ACAP2: variants seen among roughly 807,000 people sequenced by gnomAD.
ACAP2 encodes arf-GAP with coiled-coil, ANK repeat and PH domain-containing protein 2.
Under a neutral mutation model 115.8 loss-of-function variants are expected in ACAP2, and 39 were observed. That is an observed-to-expected ratio of 0.34 (90% CI 0.26 to 0.44). The LOEUF (loss-of-function observed/expected upper bound fraction) is 0.44. ACAP2 is among the 20% of genes least tolerant of loss of function. The pLI is 1.00. For missense variants in ACAP2, 662 were observed against 927.6 expected, an observed-to-expected ratio of 0.71 and a Z score of 3.72; for synonymous variants, 289 against 315.8, an observed-to-expected ratio of 0.92 and a Z score of 0.90.
At chr3:195,357,325 C>G (rs1395215461) in intron 4 of ACAP2, among the ~76,000 whole-genome samples, 2 of 152,104 alleles carry the variant, frequency 1.3e-5, no homozygotes, top group African/African-American at 2.4e-5. Flanking sequence ...AGGGAAATTT[C>G]TAAGGTTTCC....
At chr3:195,372,987 C>CAAAAAAAA (rs869134113) in intron 4 of ACAP2, among the ~76,000 whole-genome samples, 11 of 17,772 alleles carry the variant, frequency 6.2e-4, no homozygotes, top group Admixed American at 1.0e-3. Context: ...GACTCCATCT[C>CAAAAAAAA]AAAAAAAAAA....
chr3:195,325,517 C>T (rs1729736879), intron 9 of ACAP2: 1 of 398,320 alleles, frequency 2.5e-6, no homozygotes. Flanking sequence ...AAAATAGCAT[C>T]ATTTTCTTTA....
At chr3:195,356,122 C>T (rs1731946559) in intron 4 of ACAP2, 1 of 456,622 alleles carries the variant, frequency 2.2e-6, no homozygotes, top group Admixed American at 2.3e-5. Flanking sequence ...TCTTGAATTG[C>T]TGACCCCAGC....
intron 22 of ACAP2, chr3:195,285,327 AT>A (rs36067830): frequency 0.022 from 3,363 of 150,666 alleles, 124 homozygotes; most frequent in East Asian, 0.11. Flanking sequence ...ACACATGGTG[AT>A]TTTTTTTTTC....
At position 195,392,050 on chromosome 3, in the gene ACAP2, C is replaced by T. The variant is rs371750851; in HGVS notation, c.111+40G>A. The T allele has an allele frequency of 1.4e-4, 212 of 1,534,262 alleles. 1 individual carries two copies. In the African/African-American group the frequency reaches 1.7e-3, roughly 12 times the overall value. On this transcript the variant is annotated intron_variant, in intron 2 of 22. Transcript: ENST00000326793. ...GGTACTAATCATTATTTACAGCAAA[C>T]GAGAATCAATGTTTCAAAAAGCTAA...
Position 195,381,942 on chromosome 3 carries a change from T to C in ACAP2, c.192A>G (p.Arg64=), listed in dbSNP as rs1237106087. The change falls in exon 3 of 23, where the codon CGA becomes CGG. Residue 64 remains arginine (R), a synonymous_variant. Transcript: ENST00000326793. ...VANKQFMNGI[R]DLAQYSSNDA... ...CATTACTAGAATACTGAGCCAGGTC[T>C]CGAATCCCATTCATGAACTGTTTAT... is the stretch of plus-strand genomic sequence containing the variant. 1 of 1,612,648 alleles carries C rather than the reference T, an allele frequency of 6.2e-7. No individual in the cohort carries two copies.
intron 5 of ACAP2, 50 bp downstream of exon 5, chr3:195,345,209 T>C (rs1224136603): frequency 4.1e-6 from 5 of 1,217,284 alleles, no homozygotes; most frequent in East Asian, 2.3e-5. Context: ...AATTCTCAGA[T>C]TGATCATTAA....
At chr3:195,399,052 G>A (rs1712045113) in intron 1 of ACAP2, among the ~76,000 whole-genome samples, 2 of 152,180 alleles carry the variant, frequency 1.3e-5, no homozygotes, top group Admixed American at 6.5e-5. Context: ...AAGTAATTGC[G>A]GTTTTTGCCA....
At chr3:195,430,437 G>C (rs1398896756) in intron 1 of ACAP2, among the ~76,000 whole-genome samples, 4 of 152,186 alleles carry the variant, frequency 2.6e-5, no homozygotes, top group Non-Finnish European at 5.9e-5. Context: ...GGGGAGGCCA[G>C]GAGCAGTGGC....
chr3:195,310,755 T>G (rs1433917147), intron 10 of ACAP2, among the ~76,000 whole-genome samples: 1 of 152,230 alleles, frequency 6.6e-6, no homozygotes, highest in Non-Finnish European at 1.5e-5. Context: ...CTAAGGATCA[T>G]ATGTATTTCT....
At chr3:195,295,535 T>C (rs1367665339) in intron 17 of ACAP2, 173 bp downstream of exon 17, 6 of 715,794 alleles carry the variant, frequency 8.4e-6, no homozygotes, top group African/African-American at 3.6e-5. Context: ...TATTATGGCA[T>C]TGTTTAAAGT....
At chr3:195,319,769 G>A (rs1307812236) in intron 10 of ACAP2, among the ~76,000 whole-genome samples, 1 of 152,182 alleles carries the variant, frequency 6.6e-6, no homozygotes, top group Admixed American at 6.5e-5. Flanking sequence ...AGATGAGACT[G>A]TGGACTTGGA....
intron 1 of ACAP2, among the ~76,000 whole-genome samples, chr3:195,396,694 G>A (rs1214926233): frequency 6.7e-6 from 1 of 149,220 alleles, no homozygotes; most frequent in Non-Finnish European, 1.5e-5. Flanking sequence ...GGCTGAGGCA[G>A]GAGAATTGCT....
intron 18 of ACAP2, among the ~76,000 whole-genome samples, chr3:195,293,716 C>T (rs1007197821): frequency 2.0e-5 from 3 of 151,966 alleles, no homozygotes; most frequent in African/African-American, 7.3e-5. Flanking sequence ...GTGGCACACA[C>T]CTGTAACCCA....
chr3:195,299,017 G>T (rs1727845924), intron 15 of ACAP2, among the ~76,000 whole-genome samples: 1 of 152,042 alleles, frequency 6.6e-6, no homozygotes, highest in Non-Finnish European at 1.5e-5. Context: ...TCTTAAATGT[G>T]CTAATTCCTT....
At chr3:195,359,522 C>T (rs1292851637) in intron 4 of ACAP2, among the ~76,000 whole-genome samples, 1 of 152,210 alleles carries the variant, frequency 6.6e-6, no homozygotes, top group Non-Finnish European at 1.5e-5. Context: ...GGCTGGAGTG[C>T]AGTGGCGTGA....
At chr3:195,404,820 C>CAG (rs1280240624) in intron 1 of ACAP2, among the ~76,000 whole-genome samples, 1 of 143,036 alleles carries the variant, frequency 7.0e-6, no homozygotes, top group Non-Finnish European at 1.5e-5. Flanking sequence ...TTTTTGGAGA[C>CAG]AGAGTCTTGC....
intron 1 of ACAP2, among the ~76,000 whole-genome samples, chr3:195,404,064 C>T (rs975841578): frequency 3.3e-5 from 5 of 152,082 alleles, no homozygotes; most frequent in Admixed American, 6.6e-5. Flanking sequence ...AACCAGGCCC[C>T]GCACGGTGGC....
At chr3:195,335,721 TA>T (rs1730455746) in intron 7 of ACAP2, among the ~76,000 whole-genome samples, 1 of 152,038 alleles carries the variant, frequency 6.6e-6, no homozygotes, top group African/African-American at 2.4e-5. Flanking sequence ...AATATATACA[TA>T]AAATTTAGAA....
Sources: gnomAD v4.1 joint callset for allele counts (sites outside exome capture counted in the v4.1 genomes callset) on GRCh38, gnomAD v4.1.1 for gene constraint, MANE v1.5 for transcripts, NCBI Gene and HGNC (gene_info 2026-07-23, HGNC 2026-07-21) for gene names.